GPR107: variants seen among roughly 807,000 people sequenced by gnomAD.
GPR107 encodes protein GPR107.
A neutral mutation model predicts 75.5 loss-of-function variants in GPR107; 31 were observed. The ratio of observed to expected loss-of-function variants is 0.41; its 90% CI spans 0.31 to 0.55. The LOEUF (loss-of-function observed/expected upper bound fraction) is 0.55. GPR107 is among the 20% of genes least tolerant of loss of function. The probability of loss-of-function intolerance (pLI) is 0.26; values close to 1 mark genes in which losing one functional copy is unlikely to be tolerated. For synonymous variants in GPR107, 267 were observed against 251.3 expected, an observed-to-expected ratio of 1.06 and a Z score of -0.59; for missense variants, 572 against 665.7, an observed-to-expected ratio of 0.86 and a Z score of 1.55.
intron 17 of GPR107, among the ~76,000 whole-genome samples, chr9:130,130,823 T>G (rs1190175693): frequency 1.4e-5 from 2 of 142,560 alleles, no homozygotes; most frequent in Non-Finnish European, 3.0e-5. Flanking sequence ...TGTGCTGAGA[T>G]CACGCCACTG....
chr9:130,058,758 C>A (rs1829856111), intron 1 of GPR107, among the ~76,000 whole-genome samples: 1 of 152,214 alleles, frequency 6.6e-6, no homozygotes, highest in Non-Finnish European at 1.5e-5. Flanking sequence ...AGCCACTGCG[C>A]CCGGCCGATA....
intron 1 of GPR107, among the ~76,000 whole-genome samples, chr9:130,065,645 T>C (rs899817937): frequency 9.1e-5 from 13 of 142,118 alleles, no homozygotes; most frequent in African/African-American, 2.9e-4. Flanking sequence ...CAGGTGTCTC[T>C]AGTCCCAGCT....
In GPR107 at chr9:130,079,709, C is replaced by G. The variant is rs1830446909; in HGVS notation, c.466C>G (p.Gln156Glu). The change falls in exon 5 of 18, where the codon CAG becomes GAG. Residue 156 changes from glutamine to glutamate, a missense_variant. By Grantham distance (29) the Gln-to-Glu change is conservative. Coordinates refer to ENST00000347136, the MANE Select transcript of GPR107 (RefSeq NM_020960.5). ...CAGCAGGGATGAGAAAGTCCTTGGT[C>G]AGAGCCAGGAGCCTAATGTTAACCC... ...IFSRDEKVLG[Q>E]SQEPNVNPAS... 1 of 1,612,646 alleles carries G rather than the reference C, an allele frequency of 6.2e-7. No individual in the cohort carries two copies. Among genetic ancestry groups the G allele is most frequent in the South Asian group, 1.1e-5 (1 of 91,000 alleles).
chr9:130,100,410 A>G (rs940557717), intron 10 of GPR107, among the ~76,000 whole-genome samples: 3 of 152,216 alleles, frequency 2.0e-5, no homozygotes, highest in Non-Finnish European at 4.4e-5. Flanking sequence ...TGGGCCTCCA[A>G]GTGCCCGTGG....
intron 14 of GPR107, among the ~76,000 whole-genome samples, chr9:130,122,667 T>C (rs1181778610): frequency 6.6e-6 from 1 of 152,172 alleles, no homozygotes; most frequent in Non-Finnish European, 1.5e-5. Context: ...CTGTCGTGTA[T>C]ACTGCTGTAT....
Position 130,137,188 on chromosome 9 carries a change from G to C in GPR107, c.*2067G>C, listed in dbSNP as rs1554900098. On this transcript the variant is annotated 3_prime_UTR_variant, in exon 18 of 18. Transcript: ENST00000347136. ...AAGGTGTGATGAAACCTCCCTGCTC[G>C]GAAGGGTCTCCGTGGAGGTGTCCTC... 1 of 152,254 alleles carries C rather than the reference G, an allele frequency of 6.6e-6. No homozygotes were observed. Among genetic ancestry groups the C allele is most frequent in the African/African-American group, 2.4e-5 (1 of 41,464 alleles). The allele number at this position is 152,254 out of a possible 1,614,324, so 9.4% of individuals were successfully genotyped here.
chr9:130,098,918 G>C (rs1490866681), intron 9 of GPR107, among the ~76,000 whole-genome samples: 1 of 152,080 alleles, frequency 6.6e-6, no homozygotes, highest in Non-Finnish European at 1.5e-5. Context: ...TGAGGCGGTG[G>C]GGGGGCATCA....
intron 1 of GPR107, among the ~76,000 whole-genome samples, chr9:130,065,845 G>C (rs569983568): frequency 6.6e-6 from 1 of 151,062 alleles, no homozygotes; most frequent in Non-Finnish European, 1.5e-5. Flanking sequence ...CTGTAGAATC[G>C]GTGCCAGTCG....
chr9:130,055,913 C>G (rs1349959796), intron 1 of GPR107, among the ~76,000 whole-genome samples: 1 of 152,100 alleles, frequency 6.6e-6, no homozygotes, highest in Non-Finnish European at 1.5e-5. Flanking sequence ...TGCCACTGCA[C>G]TCCAGTCGGG....
chr9:130,085,801 C>T (rs1032182771), intron 6 of GPR107, among the ~76,000 whole-genome samples: 2 of 130,724 alleles, frequency 1.5e-5, no homozygotes, highest in African/African-American at 6.0e-5. Flanking sequence ...TGCTCTACCA[C>T]CCAGGCTGGA....
At position 130,114,029 on chromosome 9, in the gene GPR107, C is replaced by CTTTTTTTTTTTTTTTTTTTTT. The variant is rs60616601; in HGVS notation, c.1306+6510_1306+6511insTTTTTTTTTTTTTTTTTTTTT. The stretch of plus-strand genomic sequence containing the variant: ...CAAAAATAATTCTGGTCTTCTCATT[C>CTTTTTTTTTTTTTTTTTTTTT]TTTTTTTTTTTTTTTTTTTTCATTT... On this transcript the variant is annotated intron_variant, in intron 14 of 17. Coordinates refer to ENST00000347136, the MANE Select transcript of GPR107 (RefSeq NM_020960.5). 3.4e-4 allele frequency among the ~76,000 whole-genome samples: 31 copies of CTTTTTTTTTTTTTTTTTTTTT among 90,660 alleles called. 1 individual carries two copies. Among genetic ancestry groups the CTTTTTTTTTTTTTTTTTTTTT allele is most frequent in the Non-Finnish European group, 4.9e-4 (24 of 49,110 alleles). 59.5% of individuals were successfully genotyped at this position (90,660 alleles called of 152,430 possible).
intron 9 of GPR107, 76 bp from the exon 10 acceptor site, chr9:130,099,381 A>G: frequency 1.2e-6 from 1 of 813,848 alleles, no homozygotes; most frequent in Non-Finnish European, 2.1e-6. Flanking sequence ...TTATAAATAT[A>G]GCTAATGTCT....
At chr9:130,111,692 GTTTTGGGGTGAATA>G (rs1831307159) in intron 14 of GPR107, among the ~76,000 whole-genome samples, 2 of 756 alleles carry the variant, frequency 2.6e-3, no homozygotes, top group South Asian at 0.056. Flanking sequence ...ACAGCTTTCA[GTTTTGGGGTGAATA>G]CAGTTTTCAG....
chr9:130,104,395 C>A, intron 12 of GPR107, 25 bp from the exon 13 acceptor site: 2 of 1,611,550 alleles, frequency 1.2e-6, no homozygotes, highest in Non-Finnish European at 1.7e-6. Flanking sequence ...TGCTTTGGGG[C>A]CTCAGCAACT....
intron 14 of GPR107, among the ~76,000 whole-genome samples, chr9:130,108,992 CTTTTTT>C (rs11316244): frequency 1.1e-4 from 7 of 66,056 alleles, no homozygotes; most frequent in South Asian, 6.4e-4. Flanking sequence ...TGGGGATATT[CTTTTTT>C]TTTTTTTTTT....
At position 130,135,373 on chromosome 9, in the gene GPR107, G is replaced by A; in HGVS notation, c.*252G>A. 2.3e-6 allele frequency: 1 copy of A among 427,530 alleles called. No homozygotes were observed. Among genetic ancestry groups the A allele is most frequent in the Admixed American group, 4.0e-5 (1 of 24,796 alleles). 26.5% of individuals were successfully genotyped at this position (427,530 alleles called of 1,614,324 possible). A position where few individuals can be genotyped will look rare whatever the true frequency, so the allele number is the denominator to read the frequency against. ...GAGGGCGGGCACAGGGAGGAGGAGA[G>A]GAAGAGAAAAGGAAGAATTCATTTT... is the stretch of plus-strand genomic sequence containing the variant. On this transcript the variant is annotated 3_prime_UTR_variant, in exon 18 of 18. Coordinates refer to ENST00000347136, the MANE Select transcript of GPR107 (RefSeq NM_020960.5).
intron 1 of GPR107, among the ~76,000 whole-genome samples, chr9:130,063,391 C>T (rs921864322): frequency 2.6e-5 from 4 of 152,154 alleles, no homozygotes; most frequent in Non-Finnish European, 5.9e-5. Flanking sequence ...AGGGTTTCAC[C>T]GTGTTAGCCA....
chr9:130,075,864 C>G lies in GPR107; in HGVS notation c.255+115C>G, dbSNP rs551112007. 1,428 of 560,140 alleles carry G rather than the reference C, an allele frequency of 2.5e-3. 8 individuals carry two copies. Among genetic ancestry groups the G allele is most frequent in the South Asian group, 4.0e-3 (193 of 47,984 alleles). 34.7% of individuals were successfully genotyped at this position (560,140 alleles called of 1,614,324 possible). A position where few individuals can be genotyped will look rare whatever the true frequency, so the allele number is the denominator to read the frequency against. On this transcript the variant is annotated intron_variant, in intron 2 of 17. Transcript: ENST00000347136. ...GTGGCGCAATCTCAGCTCACTGCAA[C>G]CTCCACCTCCCGGGTTCAAGCAGTT...
At chr9:130,090,729 A>G (rs1830710458) in intron 7 of GPR107, 147 bp from the exon 8 acceptor site, 3 of 486,722 alleles carry the variant, frequency 6.2e-6, no homozygotes, top group Non-Finnish European at 7.2e-6. Flanking sequence ...ATCCATTAAT[A>G]TTCATAACTT....
Sources: allele counts gnomAD v4.1 joint callset (sites outside exome capture counted in the v4.1 genomes callset), GRCh38; gene constraint gnomAD v4.1.1; transcripts MANE v1.5; gene names NCBI Gene and HGNC (gene_info 2026-07-23, HGNC 2026-07-21).